The following NIFK variants were observed in gnomAD, a reference collection of about 807,000 sequenced individuals.
NIFK encodes the protein MKI67 FHA domain-interacting nucleolar phosphoprotein.
In NIFK, 16 loss-of-function variants were observed where a neutral mutation model predicts 31.7. The ratio of observed to expected loss-of-function variants is 0.50; its 90% confidence interval spans 0.34 to 0.77. The LOEUF (loss-of-function observed/expected upper bound fraction) is 0.77. Among genes scored for constraint, NIFK ranks in the 30% least tolerant of loss-of-function variants. NIFK has a pLI of 0.01. For synonymous variants in NIFK, 126 were observed against 123.0 expected, an observed-to-expected ratio of 1.02 and a Z score of -0.16; for missense variants, 341 against 350.4, an observed-to-expected ratio of 0.97 and a Z score of 0.21.
Position 121,735,808 on chromosome 2 carries a change from A to C in NIFK, c.106-58T>G, listed in dbSNP as rs1057177485. 4 of 1,456,998 alleles carry C rather than the reference A, an allele frequency of 2.7e-6. No homozygotes were observed. The African/African-American group carries it at 5.7e-5, about 21-fold the overall frequency. 90.3% of individuals were successfully genotyped at this position (1,456,998 alleles called of 1,614,324 possible). ...ATAAATAAGAAAATCACATTGTAAC[A>C]AAACCCCTAGCCCTCGGCCCAAGAA... On this transcript the variant is annotated intron_variant, in intron 1 of 6. Transcript: ENST00000285814.
intron 2 of NIFK, among the ~76,000 whole-genome samples, chr2:121,733,038 C>T (rs574401771): frequency 5.9e-5 from 9 of 151,836 alleles, no homozygotes; most frequent in African/African-American, 1.7e-4. Flanking sequence ...GCTGAGATCG[C>T]GCCACTGCAC....
intron 2 of NIFK, among the ~76,000 whole-genome samples, chr2:121,733,941 C>A (rs2074561546): frequency 6.6e-6 from 1 of 152,064 alleles, no homozygotes; most frequent in South Asian, 2.1e-4. Flanking sequence ...TATACCTGTA[C>A]AAAGATTGTT....
chr2:121,735,732 G>A lies in NIFK; in HGVS notation c.124C>T (p.Leu42Phe). 1 of 1,612,692 alleles carries A rather than the reference G, an allele frequency of 6.2e-7. No homozygotes were observed. Among genetic ancestry groups the A allele is most frequent in the Non-Finnish European group, 8.5e-7 (1 of 1,179,716 alleles). ...RITQRKKQEQLTPGVVYVRHL... is the reference protein window; with the variant it reads ...RITQRKKQEQFTPGVVYVRHL... ...CGCACATAGACTACTCCAGGAGTAA[G>A]TTGTTCTTGTTTTTTTCGCTAAAGA... Residue 42 changes from leucine to phenylalanine, a missense_variant, in exon 2 of 7, where the codon CTT (leucine) becomes TTT (phenylalanine). Physicochemically the swap from Leu to Phe is conservative, Grantham distance 22. Transcript: ENST00000285814.
rs2074498016 is a variant in NIFK, at chr2:121,727,326, A to G, written c.*398T>C. The stretch of plus-strand genomic sequence containing the variant: ...AATCTAAAGCACCTCCATGAGTTAA[A>G]TGTCCCCGACAAACCATGTAGATGG... On this transcript the variant is annotated 3_prime_UTR_variant, in exon 7 of 7. Coordinates refer to ENST00000285814, the MANE Select transcript of NIFK (RefSeq NM_032390.5). The G allele has an allele frequency of 2.2e-6, 1 of 453,664 alleles. No homozygotes were observed. Among genetic ancestry groups the G allele is most frequent in the Admixed American group, 2.6e-5 (1 of 37,908 alleles). The allele number at this position is 453,664 out of a possible 1,614,324, so 28.1% of individuals were successfully genotyped here.
chr2:121,731,371 A>G (rs2074538335), intron 3 of NIFK, among the ~76,000 whole-genome samples: 2 of 152,146 alleles, frequency 1.3e-5, no homozygotes, highest in Admixed American at 6.6e-5. Flanking sequence ...GGGCAGCAGG[A>G]TCTGGACAGG....
chr2:121,729,038 C>G (rs1232656732), intron 4 of NIFK, among the ~76,000 whole-genome samples: 1 of 151,992 alleles, frequency 6.6e-6, no homozygotes, highest in African/African-American at 2.4e-5. Flanking sequence ...GAGGGTAACA[C>G]GGTCATCTAG....
chr2:121,731,944 C>G lies in NIFK; in HGVS notation c.352+152G>C, dbSNP rs1240805576. 1.2e-5 allele frequency: 7 copies of G among 599,314 alleles called. No homozygotes were observed. In the East Asian group the frequency reaches 2.0e-4, roughly 18 times the overall value. The allele number at this position is 599,314 out of a possible 1,614,324, so 37.1% of individuals were successfully genotyped here. On this transcript the variant is annotated intron_variant, in intron 3 of 6. Coordinates refer to ENST00000285814, the MANE Select transcript of NIFK (RefSeq NM_032390.5). Reference sequence around the variant, plus strand: ...TAAAATTCCAATTAGAATCTGCCTGCAACATACACTGAAATCCTTGCACCA... The same window carrying G: ...TAAAATTCCAATTAGAATCTGCCTGGAACATACACTGAAATCCTTGCACCA...
chr2:121,731,062 T>C lies in NIFK; in HGVS notation c.395A>G (p.Lys132Arg). 6.2e-7 allele frequency: 1 copy of C among 1,607,476 alleles called. No homozygotes were observed. Among genetic ancestry groups the C allele is most frequent in the Non-Finnish European group, 8.5e-7 (1 of 1,177,396 alleles). Residue 132 changes from lysine (K) to arginine (R), a missense_variant, in exon 4 of 7, where the codon AAA becomes AGA. Physicochemically the swap from Lys to Arg is conservative, Grantham distance 26. Coordinates refer to ENST00000285814, the MANE Select transcript of NIFK (RefSeq NM_032390.5). The part of the protein sequence containing the change: ...PPEKVHKELF[K>R]DWNIPFKQPS... ...CTGCTTAAATGGAATATTCCAGTCT[T>C]TAAAGAGTTCTTTATGTACTTTTTC... is the stretch of plus-strand genomic sequence containing the variant.
At chr2:121,728,390 T>C (rs376213993) in intron 5 of NIFK, 34 bp from the exon 6 acceptor site, 189 of 1,486,436 alleles carry the variant, frequency 1.3e-4, no homozygotes, top group Non-Finnish European at 1.6e-4. Context: ...TCAATTTGAA[T>C]ATTGATCAGC....
In NIFK at chr2:121,730,901, G is replaced by A. The variant is rs761077196; in HGVS notation, c.556C>T (p.Pro186Ser). Residue 186 changes from proline (P) to serine (S), a missense_variant, in exon 4 of 7, where the codon CCT (proline) becomes TCT (serine). By Grantham distance (74) the Pro-to-Ser change is moderately conservative. Transcript: ENST00000285814. ...LAKKGIDYDF[P>S]SLILQKTESI... ...ATTTCACGAATATTTACCAAAGAAG[G>A]AAAATCATAGTCAATTCCTTTTTTA... 2.5e-6 allele frequency: 4 copies of A among 1,605,860 alleles called. No homozygotes were observed. The South Asian group carries it at 4.4e-5, about 18-fold the overall frequency.
Position 121,730,893 on chromosome 2 carries a change from C to T in NIFK, c.564G>A (p.Leu188=), listed in dbSNP as rs1345864353. Residue 188 remains leucine, a splice_region_variant and synonymous_variant, in exon 4 of 7, where the codon TTG becomes TTA. Coordinates refer to ENST00000285814, the MANE Select transcript of NIFK (RefSeq NM_032390.5). ...CAAAAAAGATTTCACGAATATTTAC[C>T]AAAGAAGGAAAATCATAGTCAATTC... ...KKGIDYDFPS[L]ILQKTESISK... 6.2e-7 allele frequency: 1 copy of T among 1,601,644 alleles called. No individual in the cohort carries two copies. The highest frequency in any genetic ancestry group is 1.1e-5 in the South Asian group (1 of 90,770).
intron 1 of NIFK, among the ~76,000 whole-genome samples, chr2:121,736,033 C>G (rs1186066488): frequency 6.6e-6 from 1 of 152,206 alleles, no homozygotes; most frequent in Non-Finnish European, 1.5e-5. Flanking sequence ...CATTTTAGAT[C>G]TTCTGCCCAG....
At chr2:121,734,902 G>C (rs577053124) in intron 2 of NIFK, among the ~76,000 whole-genome samples, 1 of 152,142 alleles carries the variant, frequency 6.6e-6, no homozygotes, top group Admixed American at 6.5e-5. Context: ...CTATCTTTAC[G>C]ACAACTAACA....
Position 121,727,299 on chromosome 2 carries a change from G to C in NIFK, c.*425C>G. Reference sequence around the variant, plus strand: ...CTTCCAGCTTCAACCATCTGATGTTGAAATCTAAAGCACCTCCATGAGTTA... The same window carrying C: ...CTTCCAGCTTCAACCATCTGATGTTCAAATCTAAAGCACCTCCATGAGTTA... On this transcript the variant is annotated 3_prime_UTR_variant, in exon 7 of 7. Coordinates refer to ENST00000285814, the MANE Select transcript of NIFK (RefSeq NM_032390.5). The C allele has an allele frequency of 5.0e-6, 2 of 399,296 alleles. No individual in the cohort carries two copies. The allele number at this position is 399,296 out of a possible 1,614,324, so 24.7% of individuals were successfully genotyped here.
chr2:121,728,492 C>T lies in NIFK; in HGVS notation c.609G>A (p.Thr203=), dbSNP rs768619189. 9.5e-6 allele frequency: 15 copies of T among 1,586,568 alleles called. No homozygotes were observed. The highest frequency in any genetic ancestry group is 2.2e-5 in the East Asian group (1 of 44,622). ...TESISKTNRQ[T]STKGQVLRKK... ...AAAATTTTACCTGGCCTTTTGTAGA[C>T]GTCTGACGATTAGTTTTTGAAATAC... The change falls in exon 5 of 7, where the codon ACG becomes ACA. Residue 203 remains threonine, a synonymous_variant. Transcript: ENST00000285814.
chr2:121,732,829 A>C (rs1160228997), intron 2 of NIFK, among the ~76,000 whole-genome samples: 1 of 151,960 alleles, frequency 6.6e-6, no homozygotes, highest in African/African-American at 2.4e-5. Context: ...AAAAATATAA[A>C]ATATTCACTT....
At chr2:121,732,232 T>C (rs2106442782) in intron 2 of NIFK, 28 bp from the exon 3 acceptor site, 8 of 1,345,346 alleles carry the variant, frequency 5.9e-6, no homozygotes, top group South Asian at 1.2e-5. Context: ...CCACAAAAAG[T>C]AGAACAATTA....
At position 121,732,163 on chromosome 2, in the gene NIFK, A is replaced by G. The variant is rs766489412; in HGVS notation, c.285T>C (p.Ser95=). 9.9e-6 allele frequency: 16 copies of G among 1,613,518 alleles called. No individual in the cohort carries two copies. The Admixed American group carries it at 2.3e-4, about 24-fold the overall frequency. The change falls in exon 3 of 7, where the codon TCT becomes TCC. Residue 95 remains serine (S), a synonymous_variant. Transcript: ENST00000285814. ...CAGCAACTATTTTGGCAACATCCTC[A>G]GACTCAAACTCCACAAATGCATAGC... The part of the protein sequence containing the change: ...SKGYAFVEFE[S]EDVAKIVAET...
At position 121,735,909 on chromosome 2, in the gene NIFK, A is replaced by G; in HGVS notation, c.106-159T>C. 6.6e-6 allele frequency: 4 copies of G among 609,962 alleles called. No homozygotes were observed. In the South Asian group the frequency reaches 8.3e-5, roughly 13 times the overall value. 37.8% of individuals were successfully genotyped at this position (609,962 alleles called of 1,614,324 possible). ...TAGTGTTTCTCTCCCCACAAAGGCCATGGTCAAGCAGTAGTCAACTATCTT... is the reference window on the plus strand; with the variant it reads ...TAGTGTTTCTCTCCCCACAAAGGCCGTGGTCAAGCAGTAGTCAACTATCTT... On this transcript the variant is annotated intron_variant, in intron 1 of 6. Coordinates refer to ENST00000285814, the MANE Select transcript of NIFK (RefSeq NM_032390.5).
Sources: allele counts gnomAD v4.1 joint callset (sites outside exome capture counted in the v4.1 genomes callset), GRCh38; gene constraint gnomAD v4.1.1; transcripts MANE v1.5; gene names NCBI Gene and HGNC (gene_info 2026-07-23, HGNC 2026-07-21).